FAM107B: variants seen among roughly 807,000 people sequenced by gnomAD.
FAM107B encodes family with sequence similarity 107 member B, also known as protein FAM107B.
FAM107B carries 21 observed loss-of-function variants against 31.5 expected under a neutral mutation model. That is an observed-to-expected ratio of 0.67 (90% CI 0.47 to 0.96). The LOEUF (loss-of-function observed/expected upper bound fraction) is 0.96, where lower values mean the gene tolerates loss of function less well. Among genes scored for constraint, FAM107B ranks in the 40% least tolerant of loss-of-function variants. FAM107B has a pLI of 0.00. For missense variants in FAM107B, 452 were observed against 377.1 expected (o/e 1.20, Z -1.64); for synonymous variants, 157 against 141.5 (o/e 1.11, Z -0.78).
At chr10:14,528,838 G>C (rs1200756202) in intron 3 of FAM107B, among the ~76,000 whole-genome samples, 1 of 152,184 alleles carries the variant, frequency 6.6e-6, no homozygotes, top group Non-Finnish European at 1.5e-5. Flanking sequence ...TATTTTTGCA[G>C]AATAATTCAT....
chr10:14,556,493 C>T (rs887582047), intron 2 of FAM107B: 1 of 860,830 alleles, frequency 1.2e-6, no homozygotes, highest in Non-Finnish European at 1.4e-6. Flanking sequence ...CCCGACCTAA[C>T]GAGAGCTCAG....
At chr10:14,604,306 G>A (rs1194752100) in intron 2 of FAM107B, 2 of 974,274 alleles carry the variant, frequency 2.1e-6, no homozygotes, top group Non-Finnish European at 2.4e-6. Flanking sequence ...GCGGCGCCCA[G>A]CGGCCCGACT....
intron 2 of FAM107B, among the ~76,000 whole-genome samples, chr10:14,561,938 C>T (rs756951825): frequency 6.6e-6 from 1 of 152,180 alleles, no homozygotes; most frequent in Admixed American, 6.5e-5. Flanking sequence ...GCATGTGCCA[C>T]CACGCCCAGC....
intron 2 of FAM107B, among the ~76,000 whole-genome samples, chr10:14,659,410 C>T (rs1006717084): frequency 1.3e-5 from 2 of 151,980 alleles, no homozygotes; most frequent in Admixed American, 6.6e-5. Flanking sequence ...CACTTCACTC[C>T]AGCCTAGGTG....
At chr10:14,663,913 A>AAT (rs1854333823) in intron 2 of FAM107B, among the ~76,000 whole-genome samples, 1 of 145,122 alleles carries the variant, frequency 6.9e-6, no homozygotes, top group Admixed American at 6.9e-5. Context: ...AAAAAAAAAA[A>AAT]TGGGCTGAAC....
At chr10:14,535,118 T>A (rs1847476613) in intron 2 of FAM107B, among the ~76,000 whole-genome samples, 1 of 152,180 alleles carries the variant, frequency 6.6e-6, no homozygotes, top group South Asian at 2.1e-4. Flanking sequence ...TTTCTAGAAA[T>A]AAACACAAAG....
At chr10:14,524,692 T>C (rs1169928311) in intron 3 of FAM107B, among the ~76,000 whole-genome samples, 1 of 152,228 alleles carries the variant, frequency 6.6e-6, no homozygotes, top group Non-Finnish European at 1.5e-5. Flanking sequence ...AAAGTCTTGA[T>C]ATAACACTAC....
intron 1 of FAM107B, among the ~76,000 whole-genome samples, chr10:14,672,362 A>G (rs973042792): frequency 2.6e-5 from 4 of 152,334 alleles, no homozygotes; most frequent in Middle Eastern, 3.4e-3. Context: ...TGCTGGGATT[A>G]CAGGCGTGAG....
At chr10:14,572,109 GAAAC>G (rs1851274984) in intron 2 of FAM107B, 1 of 985,270 alleles carries the variant, frequency 1.0e-6, no homozygotes, top group Admixed American at 6.1e-5. Flanking sequence ...AGTTCAAAGA[GAAAC>G]ACTCTAGCAA....
chr10:14,749,520 T>C (rs567435100), intron 1 of FAM107B, among the ~76,000 whole-genome samples: 1 of 152,342 alleles, frequency 6.6e-6, no homozygotes, highest in East Asian at 1.9e-4. Flanking sequence ...TATATAATAA[T>C]TTCCCCTGGC....
chr10:14,578,348 T>C (rs1367974640), intron 2 of FAM107B, among the ~76,000 whole-genome samples: 1 of 152,236 alleles, frequency 6.6e-6, no homozygotes, highest in African/African-American at 2.4e-5. Context: ...CTGTCTTCAC[T>C]CTGCCAAACC....
chr10:14,588,211 G>A (rs1424761496), intron 2 of FAM107B, among the ~76,000 whole-genome samples: 4 of 151,880 alleles, frequency 2.6e-5, no homozygotes, highest in Admixed American at 2.6e-4. Context: ...GGCTGTGCGT[G>A]CAAGCTGTTC....
chr10:14,688,325 G>A (rs1588706718), intron 1 of FAM107B, among the ~76,000 whole-genome samples: 1 of 152,164 alleles, frequency 6.6e-6, no homozygotes. Flanking sequence ...TCAGCTTGCA[G>A]AAGGCCTATT....
chr10:14,557,585 T>G (rs1849812124), intron 2 of FAM107B, among the ~76,000 whole-genome samples: 1 of 152,226 alleles, frequency 6.6e-6, no homozygotes, highest in African/African-American at 2.4e-5. Flanking sequence ...TAATAGAAAT[T>G]ATATCAATGA....
chr10:14,561,540 C>T (rs959388443), intron 2 of FAM107B, among the ~76,000 whole-genome samples: 1 of 152,034 alleles, frequency 6.6e-6, no homozygotes, highest in Non-Finnish European at 1.5e-5. Context: ...GGCAGGGAGG[C>T]GGCATGATCA....
intron 1 of FAM107B, among the ~76,000 whole-genome samples, chr10:14,712,761 A>G (rs1340178289): frequency 6.6e-6 from 1 of 152,106 alleles, no homozygotes; most frequent in Non-Finnish European, 1.5e-5. Flanking sequence ...TTCAGATGAG[A>G]AGTGTTGTTG....
rs1832673370 is a variant in FAM107B at position 14,743,875 on chromosome 10, T to C, written c.411+30378A>G. Among the ~76,000 whole-genome samples, 3 of 152,346 alleles carry C rather than the reference T, an allele frequency of 2.0e-5. No individual in the cohort carries two copies. The South Asian group carries it at 6.2e-4, about 32-fold the overall frequency. On this transcript the variant is annotated intron_variant, in intron 1 of 4. Coordinates refer to ENST00000181796, the MANE Select transcript of FAM107B (RefSeq NM_031453.4). Reference sequence around the variant, plus strand: ...CCATATGAATTTTAAAGTATTTTTTTCTAATTCTGTGAAGAATGTCAATGG... The same window carrying C: ...CCATATGAATTTTAAAGTATTTTTTCCTAATTCTGTGAAGAATGTCAATGG...
chr10:14,731,289 T>A (rs191753098), intron 1 of FAM107B, among the ~76,000 whole-genome samples: 1 of 152,102 alleles, frequency 6.6e-6, no homozygotes, highest in Non-Finnish European at 1.5e-5. Flanking sequence ...AGGCCAGGTG[T>A]GGTGGCTCAC....
intron 2 of FAM107B, among the ~76,000 whole-genome samples, chr10:14,540,336 T>G (rs1848056268): frequency 1.3e-5 from 2 of 152,218 alleles, no homozygotes; most frequent in Non-Finnish European, 2.9e-5. Context: ...CTGTGATCCG[T>G]GGTCACTAAC....
Sources: allele counts gnomAD v4.1 joint callset (sites outside exome capture counted in the v4.1 genomes callset), GRCh38; gene constraint gnomAD v4.1.1; transcripts MANE v1.5; gene names NCBI Gene and HGNC (gene_info 2026-07-23, HGNC 2026-07-21).